Variants in SSH2 observed in about 807,000 individuals in gnomAD.
SSH2 encodes the protein slingshot protein phosphatase 2.
SSH2 carries 37 observed loss-of-function variants against 135.2 expected under a neutral mutation model. The observed-to-expected ratio is 0.27, with a 90% CI of 0.21 to 0.36. The LOEUF is 0.36. Among genes scored for constraint, SSH2 ranks in the 10% least tolerant of loss-of-function variants. SSH2 has a pLI of 1.00. For missense variants in SSH2, 1,408 were observed against 1,765.3 expected (o/e 0.80, Z 3.63); for synonymous variants, 628 against 646.2 (o/e 0.97, Z 0.43).
At chr17:29,718,618 A>G (rs1422876409) in intron 3 of SSH2, among the ~76,000 whole-genome samples, 1 of 151,736 alleles carries the variant, frequency 6.6e-6, no homozygotes, top group African/African-American at 2.4e-5. Context: ...CTGTAGTCCC[A>G]GCTACTCTGG....
chr17:29,630,261 G>A lies in SSH2; in HGVS notation c.*580C>T, dbSNP rs1011934720. 9 of 152,168 alleles carry A rather than the reference G, an allele frequency of 5.9e-5. No homozygotes were observed. The highest frequency in any genetic ancestry group is 5.2e-4 in the Admixed American group (8 of 15,272). 9.4% of individuals were successfully genotyped at this position (152,168 alleles called of 1,614,324 possible). The stretch of plus-strand genomic sequence containing the variant: ...GGCCATTATCATGTCTTACTGTAAC[G>A]ATACACTCTGGAACACCGGAAGACC... On this transcript the variant is annotated 3_prime_UTR_variant, in exon 16 of 16. Transcript: ENST00000540801.
chr17:29,907,961 C>T (rs752354195), intron 1 of SSH2, among the ~76,000 whole-genome samples: 13 of 151,882 alleles, frequency 8.6e-5, no homozygotes, highest in Middle Eastern at 3.4e-3. Flanking sequence ...GCTGGGACTA[C>T]GGGCATGTGC....
intron 1 of SSH2, among the ~76,000 whole-genome samples, chr17:29,906,263 A>G (rs2066651998): frequency 6.6e-6 from 1 of 152,218 alleles, no homozygotes; most frequent in Admixed American, 6.5e-5. Flanking sequence ...GCAATGAGGA[A>G]AGGACTTCCT....
chr17:29,771,319 A>T (rs1203072272), intron 3 of SSH2, among the ~76,000 whole-genome samples: 1 of 152,190 alleles, frequency 6.6e-6, no homozygotes, highest in Non-Finnish European at 1.5e-5. Flanking sequence ...TCTTTTGTGG[A>T]CTTTATATAG....
intron 5 of SSH2, among the ~76,000 whole-genome samples, chr17:29,694,993 T>C (rs922786645): frequency 1.3e-5 from 2 of 152,162 alleles, no homozygotes; most frequent in African/African-American, 4.8e-5. Context: ...CAGGGTAAAG[T>C]AACTTGTCCA....
chr17:29,684,439 T>C (rs1567875502), intron 6 of SSH2, 124 bp downstream of exon 6: 5 of 902,002 alleles, frequency 5.5e-6, no homozygotes, highest in Non-Finnish European at 8.1e-6. Context: ...ATTGAGCCAC[T>C]GCACTCTAGT....
At chr17:29,707,714 C>T (rs374725513) in intron 3 of SSH2, among the ~76,000 whole-genome samples, 5 of 151,864 alleles carry the variant, frequency 3.3e-5, no homozygotes, top group South Asian at 2.1e-4. Context: ...TTAGTGGAGA[C>T]GGGGTTTCAC....
chr17:29,674,028 A>C, intron 8 of SSH2: 3 of 455,196 alleles, frequency 6.6e-6, no homozygotes, highest in South Asian at 4.7e-5. Flanking sequence ...ATCCATAGAA[A>C]TAGAGTTACT....
At chr17:29,805,590 T>A (rs1179139066) in intron 2 of SSH2, among the ~76,000 whole-genome samples, 1 of 152,154 alleles carries the variant, frequency 6.6e-6, no homozygotes, top group East Asian at 1.9e-4. Context: ...GCGGATGTGT[T>A]TATCAGCAAA....
intron 3 of SSH2, among the ~76,000 whole-genome samples, chr17:29,784,505 G>A (rs1376410557): frequency 1.3e-5 from 2 of 151,806 alleles, no homozygotes; most frequent in Non-Finnish European, 2.9e-5. Context: ...GCTGAGACAG[G>A]AGAATCACTT....
chr17:29,821,075 G>A (rs2042642737), intron 2 of SSH2, among the ~76,000 whole-genome samples: 2 of 152,096 alleles, frequency 1.3e-5, no homozygotes, highest in African/African-American at 4.8e-5. Context: ...AACATATTTT[G>A]TTTTGACCCC....
intron 13 of SSH2, 25 bp from the exon 14 acceptor site, chr17:29,648,369 A>C (rs779199731): frequency 6.4e-7 from 1 of 1,560,166 alleles, no homozygotes; most frequent in Admixed American, 1.9e-5. Flanking sequence ...TGAGGTAAAG[A>C]ATAGAGGAAA....
intron 2 of SSH2, among the ~76,000 whole-genome samples, chr17:29,833,271 G>A (rs1482595558): frequency 2.0e-5 from 3 of 152,100 alleles, no homozygotes; most frequent in Non-Finnish European, 4.4e-5. Context: ...GTGCTCCAAT[G>A]TTGGGTGCAT....
At chr17:29,711,242 T>C (rs1183712505) in intron 3 of SSH2, among the ~76,000 whole-genome samples, 1 of 152,222 alleles carries the variant, frequency 6.6e-6, no homozygotes, top group African/African-American at 2.4e-5. Context: ...GATGCAGCTA[T>C]CTGTTTTTCC....
intron 15 of SSH2, 36 bp downstream of exon 15, chr17:29,635,932 C>G: frequency 6.8e-7 from 1 of 1,472,276 alleles, no homozygotes; most frequent in Non-Finnish European, 9.3e-7. Context: ...TTGAAGAGAA[C>G]TTCATTAGGC....
chr17:29,636,820 A>C lies in SSH2; in HGVS notation c.1428-18T>G. ...GCTGTTTGCTGTGGAGGACATACAC[A>C]GGAAGTATCTTAATCTGGTTTGTAA... On this transcript the variant is annotated intron_variant, in intron 14 of 15. Coordinates refer to ENST00000540801, the MANE Select transcript of SSH2 (RefSeq NM_001282129.2). 6.5e-7 allele frequency: 1 copy of C among 1,538,350 alleles called. No individual in the cohort carries two copies. The highest frequency in any genetic ancestry group is 1.2e-5 in the South Asian group (1 of 86,174).
intron 14 of SSH2, among the ~76,000 whole-genome samples, chr17:29,643,587 G>T (rs955761192): frequency 3.9e-5 from 6 of 151,958 alleles, no homozygotes; most frequent in Non-Finnish European, 7.4e-5. Context: ...TTTGCACCTT[G>T]GGTTCAATGA....
chr17:29,643,503 C>T (rs1317333101), intron 14 of SSH2, among the ~76,000 whole-genome samples: 2 of 151,704 alleles, frequency 1.3e-5, no homozygotes, highest in Non-Finnish European at 2.9e-5. Context: ...GCTCCACCTC[C>T]CGGCTTCATG....
intron 2 of SSH2, among the ~76,000 whole-genome samples, chr17:29,829,352 A>G (rs540580803): frequency 3.0e-4 from 46 of 152,320 alleles, no homozygotes; most frequent in African/African-American, 1.1e-3. Context: ...CCACCACACC[A>G]TAACACCATA....
Sources: gnomAD v4.1 joint callset for allele counts (sites outside exome capture counted in the v4.1 genomes callset) on GRCh38, gnomAD v4.1.1 for gene constraint, MANE v1.5 for transcripts, NCBI Gene and HGNC (gene_info 2026-07-23, HGNC 2026-07-21) for gene names.